Variants in GRIN2B observed in about 807,000 individuals in gnomAD.
The protein encoded by GRIN2B is glutamate receptor ionotropic, NMDA 2B.
In GRIN2B, 5 loss-of-function variants were observed where a neutral mutation model predicts 114.5. The observed-to-expected ratio is 0.04, with a 90% CI of 0.02 to 0.09. The LOEUF (loss-of-function observed/expected upper bound fraction) is 0.09, where lower values mean the gene tolerates loss of function less well. GRIN2B is among the 10% of genes least tolerant of loss of function. The probability of loss-of-function intolerance (pLI) is 1.00; values close to 1 mark genes in which losing one functional copy is unlikely to be tolerated. For missense variants in GRIN2B, 1,108 were observed against 1,943.5 expected (o/e 0.57, Z 8.08); for synonymous variants, 787 against 745.1 (o/e 1.06, Z -0.92).
chr12:13,964,874 G>A (rs982138631), intron 2 of GRIN2B, among the ~76,000 whole-genome samples: 3 of 152,160 alleles, frequency 2.0e-5, no homozygotes, highest in African/African-American at 7.2e-5. Context: ...TCCTCAGCAG[G>A]AGCTCAGCCT....
intron 4 of GRIN2B, among the ~76,000 whole-genome samples, chr12:13,735,370 C>T (rs959401760): frequency 1.3e-5 from 2 of 152,150 alleles, no homozygotes; most frequent in Non-Finnish European, 2.9e-5. Flanking sequence ...CTGGAAGATG[C>T]TTGTTGGGGT....
chr12:13,764,856 C>T (rs1386597135), intron 3 of GRIN2B, among the ~76,000 whole-genome samples: 4 of 152,178 alleles, frequency 2.6e-5, no homozygotes, highest in African/African-American at 7.2e-5. Flanking sequence ...TTCTTGCCCC[C>T]ATCCTCGTCA....
chr12:13,938,864 A>G (rs1282783898), intron 2 of GRIN2B, among the ~76,000 whole-genome samples: 1 of 152,068 alleles, frequency 6.6e-6, no homozygotes, highest in Non-Finnish European at 1.5e-5. Flanking sequence ...CACTTAAAAT[A>G]CGTAAATTTT....
At chr12:13,963,738 G>A (rs962983510) in intron 2 of GRIN2B, among the ~76,000 whole-genome samples, 3 of 152,126 alleles carry the variant, frequency 2.0e-5, no homozygotes, top group Non-Finnish European at 4.4e-5. Context: ...TGCCTCTCTG[G>A]GGAGTGGCAC....
intron 2 of GRIN2B, among the ~76,000 whole-genome samples, chr12:13,909,959 C>A (rs1239645888): frequency 6.6e-6 from 1 of 152,182 alleles, no homozygotes; most frequent in East Asian, 1.9e-4. Flanking sequence ...TAGAAACAAT[C>A]TCCAATTAAG....
intron 2 of GRIN2B, among the ~76,000 whole-genome samples, chr12:13,866,791 A>G (rs1192695282): frequency 6.6e-6 from 1 of 152,228 alleles, no homozygotes; most frequent in Admixed American, 6.5e-5. Context: ...TCTGGCTCTT[A>G]ATATTAAACT....
Position 13,615,088 on chromosome 12 carries a change from C to T in GRIN2B, c.1654+26G>A. ...ACTTCCCCATCCATACGTCCATTTC[C>T]TTCCACCAGCAAACCCATCATTTAC... On this transcript the variant is annotated intron_variant, in intron 8 of 13. Transcript: ENST00000609686. This position sits in a 1 kb window ranked among gnomAD's most constrained non-coding sequence, Gnocchi z 5.8. The T allele has an allele frequency of 1.3e-6, 2 of 1,599,776 alleles. No homozygotes were observed. The highest frequency in any genetic ancestry group is 1.1e-5 in the South Asian group (1 of 90,768).
rs1318953475 is a variant in GRIN2B, at chr12:13,624,969, A to T, written c.1126-8312T>A. ...GAGCAGACTCACCTGCCAGGAATAG[A>T]AGTTGTTGATTCTCTCAGCACCAGA... On this transcript the variant is annotated intron_variant, in intron 5 of 13. Coordinates refer to ENST00000609686, the MANE Select transcript of GRIN2B (RefSeq NM_000834.5). Among the ~76,000 whole-genome samples the T allele has an allele frequency of 2.6e-5, 4 of 152,170 alleles. No homozygotes were observed. In the East Asian group the frequency reaches 7.7e-4, roughly 29 times the overall value.
rs2136393693 is a variant in GRIN2B, at chr12:13,556,172, A to T, written c.*6611T>A. On this transcript the variant is annotated 3_prime_UTR_variant, in exon 14 of 14. Coordinates refer to ENST00000609686, the MANE Select transcript of GRIN2B (RefSeq NM_000834.5). Reference sequence around the variant, plus strand: ...AGTTTTAGCTCTGGGAGGTGTAATAATTTCAAAAGAATAAGTCCAGGCCTG... The same window carrying T: ...AGTTTTAGCTCTGGGAGGTGTAATATTTTCAAAAGAATAAGTCCAGGCCTG... The T allele has an allele frequency of 6.6e-6, 1 of 152,246 alleles. No homozygotes were observed. Among genetic ancestry groups the T allele is most frequent in the South Asian group, 2.1e-4 (1 of 4,814 alleles). 9.4% of individuals were successfully genotyped at this position (152,246 alleles called of 1,614,324 possible). A position where few individuals can be genotyped will look rare whatever the true frequency, so the allele number is the denominator to read the frequency against.
At chr12:13,690,410 A>G (rs1950207424) in intron 4 of GRIN2B, among the ~76,000 whole-genome samples, 1 of 151,060 alleles carries the variant, frequency 6.6e-6, no homozygotes, top group Non-Finnish European at 1.5e-5. Flanking sequence ...ACTGGCATTG[A>G]GTACTGGTTC....
At chr12:13,799,360 C>T (rs1240453955) in intron 3 of GRIN2B, among the ~76,000 whole-genome samples, 3 of 152,266 alleles carry the variant, frequency 2.0e-5, no homozygotes, top group South Asian at 4.1e-4. Flanking sequence ...TTGTGGTTCC[C>T]TCAGTCTCTT....
At chr12:13,673,727 G>A (rs1267430216) in intron 5 of GRIN2B, among the ~76,000 whole-genome samples, 1 of 151,970 alleles carries the variant, frequency 6.6e-6, no homozygotes, top group Non-Finnish European at 1.5e-5. Context: ...CTCAAGAAGA[G>A]GAGTCAATAT....
rs1060504845 is a variant in GRIN2B at position 13,865,873 on chromosome 12, G to A, written c.336C>T (p.Leu112=). 8.1e-6 allele frequency: 13 copies of A among 1,613,998 alleles called. No homozygotes were observed. Among genetic ancestry groups the A allele is most frequent in the South Asian group, 1.1e-5 (1 of 91,070 alleles). The change falls in exon 3 of 14, where the codon CTC becomes CTT. Residue 112 remains leucine (L), a synonymous_variant. Transcript: ENST00000609686. The part of the protein sequence containing the change: ...DTDQEAIAQI[L]DFISAQTLTP... ...TGAGAGTCTGTGCTGAAATGAAATC[G>A]AGGATCTGGGCGATGGCTTCCTGGT... is the stretch of plus-strand genomic sequence containing the variant.
chr12:13,871,874 T>G (rs1394107234), intron 2 of GRIN2B, among the ~76,000 whole-genome samples: 1 of 152,088 alleles, frequency 6.6e-6, no homozygotes, highest in Non-Finnish European at 1.5e-5. Flanking sequence ...CTGAAAAGAA[T>G]GTAGAACATT....
At position 13,615,095 on chromosome 12, in the gene GRIN2B, C is replaced by G. The variant is rs746677072; in HGVS notation, c.1654+19G>C. 2 of 1,606,088 alleles carry G rather than the reference C, an allele frequency of 1.2e-6. No homozygotes were observed. The highest frequency in any genetic ancestry group is 3.3e-5 in the Admixed American group (2 of 60,006). On this transcript the variant is annotated intron_variant, in intron 8 of 13. Coordinates refer to ENST00000609686, the MANE Select transcript of GRIN2B (RefSeq NM_000834.5). This position sits in a 1 kb window ranked among gnomAD's most constrained non-coding sequence, Gnocchi z 5.8. ...CATCCATACGTCCATTTCCTTCCAC[C>G]AGCAAACCCATCATTTACCTAAGAA... is the stretch of plus-strand genomic sequence containing the variant.
chr12:13,981,172 A>G (rs1863131476), intron 1 of GRIN2B, among the ~76,000 whole-genome samples, 170 bp downstream of exon 1: 1 of 144,676 alleles, frequency 6.9e-6, no homozygotes, highest in African/African-American at 2.5e-5. Context: ...AAAAAAAAAA[A>G]ACCTTTAAAA....
chr12:13,799,873 A>T (rs1280448473), intron 3 of GRIN2B, among the ~76,000 whole-genome samples: 2 of 152,110 alleles, frequency 1.3e-5, no homozygotes, highest in African/African-American at 4.8e-5. Flanking sequence ...TAGGCAGGGC[A>T]GGGAGAGAAC....
chr12:13,689,227 C>T (rs916825951), intron 4 of GRIN2B, among the ~76,000 whole-genome samples: 2 of 152,108 alleles, frequency 1.3e-5, no homozygotes, highest in East Asian at 1.9e-4. Flanking sequence ...TGCATTTATC[C>T]CTATTACAAA....
chr12:13,824,749 G>A lies in GRIN2B; in HGVS notation c.411+41049C>T, dbSNP rs549829839. Among the ~76,000 whole-genome samples the A allele has an allele frequency of 9.9e-5, 15 of 151,744 alleles. No homozygotes were observed. The South Asian group carries it at 3.1e-3, about 32-fold the overall frequency. Reference sequence around the variant, plus strand: ...CACATGCTTGTAATCTCAGCTACTTGGGAGGCTGAGGCAGGAGAATTGCTT... The same window carrying A: ...CACATGCTTGTAATCTCAGCTACTTAGGAGGCTGAGGCAGGAGAATTGCTT... On this transcript the variant is annotated intron_variant, in intron 3 of 13. Coordinates refer to ENST00000609686, the MANE Select transcript of GRIN2B (RefSeq NM_000834.5).
Sources: allele counts gnomAD v4.1 joint callset (sites outside exome capture counted in the v4.1 genomes callset), GRCh38; gene constraint gnomAD v4.1.1; non-coding constraint Gnocchi (gnomAD v3.1); transcripts MANE v1.5; gene names NCBI Gene and HGNC (gene_info 2026-07-23, HGNC 2026-07-21).